Variants in MRO observed in about 807,000 individuals in gnomAD.
The protein encoded by MRO is maestro.
Under a neutral mutation model 31.0 loss-of-function variants are expected in MRO, and 28 were observed. That is an observed-to-expected ratio of 0.90 (90% CI 0.67 to 1.24). MRO has a LOEUF of 1.24. Ranked by LOEUF, MRO falls within the 50% of genes most tolerant of loss-of-function variation. MRO has a pLI of 0.00. For synonymous variants in MRO, 108 were observed against 108.4 expected (o/e 1.00, Z 0.02); for missense variants, 332 against 289.2 (o/e 1.15, Z -1.07).
In MRO at chr18:50,798,909, A is replaced by T. The variant is rs529641494; in HGVS notation, c.*428T>A. The T allele has an allele frequency of 6.7e-6, 1 of 149,136 alleles. No individual in the cohort carries two copies. Among genetic ancestry groups the T allele is most frequent in the East Asian group, 2.0e-4 (1 of 4,946 alleles). The allele number at this position is 149,136 out of a possible 1,614,324, so 9.2% of individuals were successfully genotyped here. Reference sequence around the variant, plus strand: ...GCAAAGTATCAATAGCAAATACACTAAAAAAAAACAAAACAACAACAACAA... The same window carrying T: ...GCAAAGTATCAATAGCAAATACACTTAAAAAAAACAAAACAACAACAACAA... On this transcript the variant is annotated 3_prime_UTR_variant, in exon 8 of 8. Coordinates refer to ENST00000398439, the MANE Select transcript of MRO (RefSeq NM_031939.6).
At chr18:50,806,131 C>A (rs916581183) in intron 4 of MRO, among the ~76,000 whole-genome samples, 1 of 152,074 alleles carries the variant, frequency 6.6e-6, no homozygotes, top group African/African-American at 2.4e-5. Flanking sequence ...AATGGGGTTT[C>A]ACCATGTTGG....
intron 5 of MRO, among the ~76,000 whole-genome samples, chr18:50,802,913 TGTA>T (rs374104000): frequency 7.1e-4 from 80 of 112,880 alleles, no homozygotes; most frequent in African/African-American, 2.3e-3. Flanking sequence ...TATGTGTGTG[TGTA>T]GTGTGTGTGT....
chr18:50,814,016 T>G (rs866370477), intron 2 of MRO, among the ~76,000 whole-genome samples: 6 of 145,000 alleles, frequency 4.1e-5, no homozygotes, highest in South Asian at 2.1e-4. Flanking sequence ...TAAATTCACA[T>G]AGAGTCAAAA....
chr18:50,819,803 G>A, intron 1 of MRO, 94 bp downstream of exon 1: 2 of 1,541,736 alleles, frequency 1.3e-6, no homozygotes, highest in South Asian at 2.4e-5. Context: ...AGAGGGGAAA[G>A]TCAAAGTTTA....
In MRO at chr18:50,804,420, G is replaced by A. The variant is rs1247053488; in HGVS notation, c.429+734C>T. Among the ~76,000 whole-genome samples, 3 of 152,292 alleles carry A rather than the reference G, an allele frequency of 2.0e-5. No individual in the cohort carries two copies. In the East Asian group the frequency reaches 5.8e-4, roughly 29 times the overall value. ...GCAGGTGGGTCATTTGAGCCCAGGA[G>A]TTTGAGACTAGCCTGGGCAATATAG... On this transcript the variant is annotated intron_variant, in intron 5 of 7. Coordinates refer to ENST00000398439, the MANE Select transcript of MRO (RefSeq NM_031939.6).
At chr18:50,818,873 T>C (rs763028850) in intron 2 of MRO, among the ~76,000 whole-genome samples, 1 of 151,852 alleles carries the variant, frequency 6.6e-6, no homozygotes. Context: ...AGCAACATGG[T>C]GAAACCCCGC....
At position 50,801,400 on chromosome 18, in the gene MRO, T is replaced by C. The variant is rs770551740; in HGVS notation, c.534A>G (p.Thr178=). 1 of 1,611,134 alleles carries C rather than the reference T, an allele frequency of 6.2e-7. No individual in the cohort carries two copies. Among genetic ancestry groups the C allele is most frequent in the Non-Finnish European group, 8.5e-7 (1 of 1,178,058 alleles). ...GTAAATGGATCAGGAGGGAATCTCG[T>C]GTCTGCTTAACCTGACTGGTGAAAA... ...KKFFTSQVKQ[T]RDSLLIHLQD... The change falls in exon 6 of 8, where the codon ACA becomes ACG. Residue 178 remains threonine (T), a synonymous_variant. Transcript: ENST00000398439.
At chr18:50,821,166 G>C (rs753740785), upstream of MRO, among the ~76,000 whole-genome samples, 1 of 152,200 alleles carries the variant, frequency 6.6e-6, no homozygotes, top group Non-Finnish European at 1.5e-5. Flanking sequence ...TTTTTGAAAT[G>C]GAATAAAGCC....
At chr18:50,809,711 A>G (rs1914304807) in intron 2 of MRO, among the ~76,000 whole-genome samples, 1 of 152,228 alleles carries the variant, frequency 6.6e-6, no homozygotes, top group Non-Finnish European at 1.5e-5. Context: ...CTCTGCCCAC[A>G]GAGTTCTCAT....
chr18:50,804,354 A>G (rs773555224), intron 5 of MRO, among the ~76,000 whole-genome samples: 3 of 152,222 alleles, frequency 2.0e-5, no homozygotes, highest in Non-Finnish European at 2.9e-5. Flanking sequence ...CACCAGGCAC[A>G]GTGGCTTACA....
At chr18:50,825,017 C>CTGG (rs1915462950) in intron 1 of MRO, among the ~76,000 whole-genome samples, 1 of 149,056 alleles carries the variant, frequency 6.7e-6, no homozygotes, top group Non-Finnish European at 1.5e-5. Context: ...CGCAGTGAGC[C>CTGG]GAGATCGCAC....
rs773968323 is a variant in MRO at position 50,799,356 on chromosome 18, TAGA to T, written c.725_727del (p.Phe242del). 2.5e-6 allele frequency: 4 copies of T among 1,614,072 alleles called. No individual in the cohort carries two copies. The highest frequency in any genetic ancestry group is 2.5e-6 in the Non-Finnish European group (3 of 1,179,946). ...CTGCGCTTACAGAATTTTATTTGCG[TAGA>T]AGAACTGCAGGATCTCTGGATGATA... On this transcript the variant is annotated inframe_deletion, in exon 8 of 8. Coordinates refer to ENST00000398439, the MANE Select transcript of MRO (RefSeq NM_031939.6).
At chr18:50,802,023 A>G (rs1421487733) in intron 5 of MRO, among the ~76,000 whole-genome samples, 1 of 152,228 alleles carries the variant, frequency 6.6e-6, no homozygotes, top group Non-Finnish European at 1.5e-5. Context: ...TCTTTTTTAC[A>G]TAATGGAAGC....
rs1260687484 is a variant in MRO, at chr18:50,796,320, A to G, written c.*3017T>C. ...CCCCCTAATCAACATTCATTTACAGAGTACTTTTGCAGTCACCGGGGAGAT... is the reference window on the plus strand; with the variant it reads ...CCCCCTAATCAACATTCATTTACAGGGTACTTTTGCAGTCACCGGGGAGAT... On this transcript the variant is annotated 3_prime_UTR_variant, in exon 8 of 8. Transcript: ENST00000398439. The G allele has an allele frequency of 6.6e-6, 1 of 151,966 alleles. No homozygotes were observed. Among genetic ancestry groups the G allele is most frequent in the African/African-American group, 2.4e-5 (1 of 41,376 alleles). The allele number at this position is 151,966 out of a possible 1,614,324, so 9.4% of individuals were successfully genotyped here.
At position 50,817,998 on chromosome 18, in the gene MRO, C is replaced by G. The variant is rs1055328067; in HGVS notation, c.-5+1583G>C. On this transcript the variant is annotated intron_variant, in intron 2 of 7. Coordinates refer to ENST00000398439, the MANE Select transcript of MRO (RefSeq NM_031939.6). ...GCAGCTTCTTAAAGAACTCCCACCC[C>G]CCGCCCCATGCCCTCCTTCCTGCCT... Among the ~76,000 whole-genome samples, 3 of 128,284 alleles carry G rather than the reference C, an allele frequency of 2.3e-5. No individual in the cohort carries two copies. In the East Asian group the frequency reaches 8.1e-4, roughly 35 times the overall value. The allele number at this position is 128,284 out of a possible 152,430, so 84.2% of individuals were successfully genotyped here.
At chr18:50,809,638 C>G (rs891478197) in intron 2 of MRO, among the ~76,000 whole-genome samples, 1 of 152,114 alleles carries the variant, frequency 6.6e-6, no homozygotes, top group Non-Finnish European at 1.5e-5. Flanking sequence ...CTCTAGTTCC[C>G]CACTCCATTC....
At chr18:50,816,673 C>A (rs1036632972) in intron 2 of MRO, among the ~76,000 whole-genome samples, 1 of 149,616 alleles carries the variant, frequency 6.7e-6, no homozygotes, top group Admixed American at 6.7e-5. Context: ...AATATTTGTA[C>A]GCTTGCAACG....
chr18:50,818,211 C>T (rs920396210), intron 2 of MRO, among the ~76,000 whole-genome samples: 1 of 152,150 alleles, frequency 6.6e-6, no homozygotes. Context: ...AGCCCTCTCA[C>T]CCGTAAGACA....
At chr18:50,801,620 T>A (rs1298945431) in intron 5 of MRO, 116 bp from the exon 6 acceptor site, 3 of 978,864 alleles carry the variant, frequency 3.1e-6, no homozygotes, top group African/African-American at 3.2e-5. Flanking sequence ...TCAGAACACA[T>A]CACAGCCATC....
Sources: gnomAD v4.1 joint callset for allele counts (sites outside exome capture counted in the v4.1 genomes callset) on GRCh38, gnomAD v4.1.1 for gene constraint, MANE v1.5 for transcripts, NCBI Gene and HGNC (gene_info 2026-07-23, HGNC 2026-07-21) for gene names.